The following DNAH12 variants were observed in gnomAD, a reference collection of about 807,000 sequenced individuals.
DNAH12 encodes axonemal beta dynein heavy chain 12.
DNAH12 carries 285 observed loss-of-function variants against 371.5 expected under a neutral mutation model. That is an observed-to-expected ratio of 0.77 (90% CI 0.70 to 0.85). DNAH12 has a LOEUF of 0.85. Ranked by LOEUF, DNAH12 falls within the 40% of genes least tolerant of loss-of-function variation. The pLI is 0.00. For missense variants in DNAH12, 3,611 were observed against 3,689.4 expected, an observed-to-expected ratio of 0.98 and a Z score of 0.55; for synonymous variants, 1,200 against 1,213.0, an observed-to-expected ratio of 0.99 and a Z score of 0.22.
intron 11 of DNAH12, among the ~76,000 whole-genome samples, chr3:57,492,035 G>A (rs1456796774): frequency 2.0e-5 from 3 of 151,712 alleles, no homozygotes; most frequent in African/African-American, 7.3e-5. Context: ...GGTGGCACAT[G>A]CCTTTAATCC....
At chr3:57,460,763 C>T (rs1326717445) in intron 19 of DNAH12, among the ~76,000 whole-genome samples, 1 of 152,166 alleles carries the variant, frequency 6.6e-6, no homozygotes, top group Non-Finnish European at 1.5e-5. Flanking sequence ...TTGGTTTGAA[C>T]CCCAGCTCTG....
rs1299453195 is a variant in DNAH12, at chr3:57,334,349, C to A, written c.9978+116G>T. On this transcript the variant is annotated intron_variant, in intron 62 of 73. Transcript: ENST00000495027. ...ATCTAAATCCAAAGAGCTCAATGAA[C>A]TGTAAGCTGGATAATCAATCTGAGA... 4 of 1,161,306 alleles carry A rather than the reference C, an allele frequency of 3.4e-6. No individual in the cohort carries two copies. The East Asian group carries it at 1.1e-4, about 32-fold the overall frequency. The allele number at this position is 1,161,306 out of a possible 1,614,324, so 71.9% of individuals were successfully genotyped here.
At position 57,323,274 on chromosome 3, in the gene DNAH12, A is replaced by G. The variant is rs1159835512; in HGVS notation, c.10130-14T>C. 6.5e-7 allele frequency: 1 copy of G among 1,545,178 alleles called. No individual in the cohort carries two copies. Among genetic ancestry groups the G allele is most frequent in the Non-Finnish European group, 8.7e-7 (1 of 1,145,318 alleles). On this transcript the variant is annotated splice_polypyrimidine_tract_variant and intron_variant, in intron 63 of 73. Coordinates refer to ENST00000495027, the MANE Select transcript of DNAH12 (RefSeq NM_001366028.2). ...ATTTCAGCAGGCCTATAAGAGGCACAAAAAAATGGTCACACTACTTACTCT... is the reference window on the plus strand; with the variant it reads ...ATTTCAGCAGGCCTATAAGAGGCACGAAAAAATGGTCACACTACTTACTCT...
At chr3:57,326,947 T>A (rs1388613973) in intron 62 of DNAH12, among the ~76,000 whole-genome samples, 1 of 151,812 alleles carries the variant, frequency 6.6e-6, no homozygotes, top group East Asian at 1.9e-4. Flanking sequence ...CCAACAAAGA[T>A]CAAAAGAGAC....
Position 57,314,505 on chromosome 3 carries a change from G to C in DNAH12, c.10651C>G (p.Arg3551Gly). The change falls in exon 66 of 74, where the codon CGA becomes GGA. Residue 3551 changes from arginine to glycine, a missense_variant. Physicochemically the swap from Arg to Gly is moderately radical, Grantham distance 125. Coordinates refer to ENST00000495027, the MANE Select transcript of DNAH12 (RefSeq NM_001366028.2). Reference protein sequence around the residue: ...FNESDLRISIRQLQLFINEYD... With the variant: ...FNESDLRISIGQLQLFINEYD... ...CTTGTTAATTTTACCTGCAGTTGTC[G>C]GATACTGATGCGCAAGTCAGATTCA... 1 of 1,550,478 alleles carries C rather than the reference G, an allele frequency of 6.4e-7. No individual in the cohort carries two copies. Among genetic ancestry groups the C allele is most frequent in the Non-Finnish European group, 8.7e-7 (1 of 1,146,696 alleles).
At chr3:57,432,548 A>G (rs564298666) in intron 32 of DNAH12, among the ~76,000 whole-genome samples, 98 of 152,242 alleles carry the variant, frequency 6.4e-4, no homozygotes, top group African/African-American at 2.3e-3. Context: ...TCATGTAAGT[A>G]TGGAAATAAT....
At chr3:57,517,884 C>CAATA (rs972248721) in intron 4 of DNAH12, among the ~76,000 whole-genome samples, 3 of 151,944 alleles carry the variant, frequency 2.0e-5, no homozygotes, top group Admixed American at 1.3e-4. Context: ...CCCACCTCTA[C>CAATA]AATAAATAAA....
rs1447320885 is a variant in DNAH12, at chr3:57,314,548, A to C, written c.10608T>G (p.Asn3536Lys). The C allele has an allele frequency of 6.4e-7, 1 of 1,551,442 alleles. No individual in the cohort carries two copies. Among genetic ancestry groups the C allele is most frequent in the Admixed American group, 2.0e-5 (1 of 50,956 alleles). The stretch of plus-strand genomic sequence containing the variant: ...CAGATTCATTAAATCCATATGGAAT[A>C]TTCCAACCAAGAGGACCAAATTTCT... ...ERKKFGPLGW[N>K]IPYGFNESDL... The change falls in exon 66 of 74, where the codon AAT becomes AAG. Residue 3536 changes from asparagine (N) to lysine (K), a missense_variant. By Grantham distance (94) the Asn-to-Lys change is moderately conservative. This residue lies in a region of DNAH12 where 2,266 missense variants were observed against 2,236.9 expected (regional missense o/e 1.01). Coordinates refer to ENST00000495027, the MANE Select transcript of DNAH12 (RefSeq NM_001366028.2).
At chr3:57,388,775 A>G (rs2063547978) in intron 45 of DNAH12, among the ~76,000 whole-genome samples, 1 of 152,050 alleles carries the variant, frequency 6.6e-6, no homozygotes, top group Admixed American at 6.6e-5. Context: ...GAAGCTGGAA[A>G]CCATCATTCT....
intron 42 of DNAH12, 146 bp downstream of exon 42, chr3:57,404,823 A>C (rs536843401): frequency 2.8e-6 from 2 of 705,606 alleles, no homozygotes; most frequent in South Asian, 8.1e-5. Context: ...ATTTCAAATA[A>C]ATTACTAATA....
chr3:57,492,247 G>C (rs931058880), intron 11 of DNAH12, among the ~76,000 whole-genome samples: 2 of 152,048 alleles, frequency 1.3e-5, no homozygotes, highest in African/African-American at 4.8e-5. Flanking sequence ...GAGCACCTGA[G>C]GTCAGGAGTT....
intron 12 of DNAH12, among the ~76,000 whole-genome samples, chr3:57,486,117 GC>G (rs1178770321): frequency 6.6e-6 from 1 of 151,450 alleles, no homozygotes; most frequent in Non-Finnish European, 1.5e-5. Flanking sequence ...TACCTGGGGG[GC>G]TGAGGAGATT....
At chr3:57,349,734 A>G (rs1553659508) in intron 60 of DNAH12, among the ~76,000 whole-genome samples, 1 of 152,178 alleles carries the variant, frequency 6.6e-6, no homozygotes, top group East Asian at 1.9e-4. Context: ...CTGTAGCTCA[A>G]GCTGGAATGC....
chr3:57,512,066 T>C (rs1215938780), intron 4 of DNAH12, among the ~76,000 whole-genome samples: 1 of 152,016 alleles, frequency 6.6e-6, no homozygotes, highest in East Asian at 1.9e-4. Context: ...GATTAATTTT[T>C]ACTACATAAA....
At chr3:57,318,226 A>G (rs1274075103) in intron 65 of DNAH12, among the ~76,000 whole-genome samples, 1 of 152,090 alleles carries the variant, frequency 6.6e-6, no homozygotes, top group Non-Finnish European at 1.5e-5. Flanking sequence ...CTATGAAATT[A>G]TTGCTAAGAT....
chr3:57,359,877 G>A (rs1336759051), intron 58 of DNAH12, among the ~76,000 whole-genome samples: 11 of 152,094 alleles, frequency 7.2e-5, no homozygotes, highest in Non-Finnish European at 1.5e-5. Flanking sequence ...TCTTAGGTAG[G>A]TGGAGAAAGG....
rs1039755004 is a variant in DNAH12, at chr3:57,457,696, A to G, written c.3336+25T>C. 33 of 1,541,512 alleles carry G rather than the reference A, an allele frequency of 2.1e-5. No individual in the cohort carries two copies. The East Asian group carries it at 7.1e-4, about 33-fold the overall frequency. Reference sequence around the variant, plus strand: ...ACAAAGCATTTGCAGAATATAGGGTATATATCAAATCCTAGGAAACACACC... The same window carrying G: ...ACAAAGCATTTGCAGAATATAGGGTGTATATCAAATCCTAGGAAACACACC... On this transcript the variant is annotated intron_variant, in intron 22 of 73. Transcript: ENST00000495027.
intron 64 of DNAH12, 113 bp downstream of exon 64, chr3:57,322,894 C>T: frequency 3.6e-6 from 5 of 1,406,642 alleles, no homozygotes; most frequent in Non-Finnish European, 4.7e-6. Context: ...TGCGCCACTG[C>T]ACTCCAGCCT....
intron 60 of DNAH12, among the ~76,000 whole-genome samples, chr3:57,338,816 C>T (rs906633449): frequency 4.6e-5 from 7 of 152,348 alleles, no homozygotes; most frequent in Admixed American, 2.6e-4. Context: ...TCTGCCTGGC[C>T]GCTGTGCAAT....
Sources: allele counts gnomAD v4.1 joint callset (sites outside exome capture counted in the v4.1 genomes callset), GRCh38; gene constraint gnomAD v4.1.1; regional missense constraint gnomAD v4.1.1; transcripts MANE v1.5; gene names NCBI Gene and HGNC (gene_info 2026-07-23, HGNC 2026-07-21).